Variants in ASXL1 observed in about 807,000 individuals in gnomAD.
ASXL1 encodes the protein polycomb group protein ASXL1.
A neutral mutation model predicts 89.1 loss-of-function variants in ASXL1; 65 were observed. The ratio of observed to expected loss-of-function variants is 0.73; its 90% confidence interval spans 0.60 to 0.90. ASXL1 has a LOEUF of 0.90. ASXL1 is among the 40% of genes least tolerant of loss of function. The pLI is 0.00. For synonymous variants in ASXL1, 739 were observed against 746.9 expected (o/e 0.99, Z 0.17); for missense variants, 1,786 against 1,942.9 (o/e 0.92, Z 1.52).
intron 4 of ASXL1, among the ~76,000 whole-genome samples, chr20:32,376,476 A>C (rs1446460663): frequency 2.0e-5 from 3 of 151,208 alleles, no homozygotes; most frequent in African/African-American, 7.3e-5. Context: ...GGGTTTTACC[A>C]TGTTGGCCAG....
intron 10 of ASXL1, 65 bp from the exon 11 acceptor site, chr20:32,432,815 G>A: frequency 6.3e-7 from 1 of 1,576,748 alleles, no homozygotes; most frequent in Non-Finnish European, 8.6e-7. Flanking sequence ...GGGAGATTCA[G>A]CTGTCCATAA....
chr20:32,397,013 A>C (rs1203980823), intron 4 of ASXL1, among the ~76,000 whole-genome samples: 1 of 150,046 alleles, frequency 6.7e-6, no homozygotes, highest in Non-Finnish European at 1.5e-5. Context: ...AACAAACAAA[A>C]AAAACTCACT....
At chr20:32,400,295 A>T (rs6057570) in intron 4 of ASXL1, among the ~76,000 whole-genome samples, 121,716 of 152,018 alleles carry the variant, frequency 0.8, 49,022 homozygotes, top group South Asian at 0.92. Flanking sequence ...TCAGACATAG[A>T]GAGTTTTACC....
rs1182540278 is a variant in ASXL1 at position 32,433,311 on chromosome 20, G to A, written c.1113G>A (p.Leu371=). 1.2e-6 allele frequency: 2 copies of A among 1,614,216 alleles called. No homozygotes were observed. Among genetic ancestry groups the A allele is most frequent in the Admixed American group, 1.7e-5 (1 of 60,024 alleles). ...QKLGLTKEES[L]QQNVGQEEAE... ...TGGGTTTGACCAAAGAAGAGTCATT[G>A]CAGCAGAACGTGGGCCAGGAGGAGG... The change falls in exon 12 of 13, where the codon TTG becomes TTA. Residue 371 remains leucine (L), a synonymous_variant. Coordinates refer to ENST00000375687, the MANE Select transcript of ASXL1 (RefSeq NM_015338.6).
At position 32,435,703 on chromosome 20, in the gene ASXL1, G is replaced by A. The variant is rs2145376262; in HGVS notation, c.2991G>A (p.Glu997=). 9 of 1,614,202 alleles carry A rather than the reference G, an allele frequency of 5.6e-6. No individual in the cohort carries two copies. The highest frequency in any genetic ancestry group is 7.6e-6 in the Non-Finnish European group (9 of 1,180,040). The change falls in exon 13 of 13, where the codon GAG becomes GAA. Residue 997 remains glutamate, a synonymous_variant. Transcript: ENST00000375687. The part of the protein sequence containing the change: ...GDSEALSPHG[E]STDTASDFEG... ...CTGAAGCACTGAGTCCTCACGGTGA[G>A]TCCACGGATACAGCCTCTGACTTTG...
At chr20:32,369,515 G>T (rs780704646) in intron 4 of ASXL1, among the ~76,000 whole-genome samples, 1 of 151,862 alleles carries the variant, frequency 6.6e-6, no homozygotes, top group Non-Finnish European at 1.5e-5. Context: ...GCCTCCCAAA[G>T]TGCTGGGATT....
At chr20:32,380,573 G>A (rs530011107) in intron 4 of ASXL1, among the ~76,000 whole-genome samples, 7 of 152,100 alleles carry the variant, frequency 4.6e-5, no homozygotes, top group Admixed American at 1.3e-4. Context: ...GCAACATAGC[G>A]AAACTTTTGT....
intron 4 of ASXL1, among the ~76,000 whole-genome samples, chr20:32,370,965 TAAAAAAAAAAA>T (rs776902032): frequency 2.3e-5 from 2 of 87,378 alleles, no homozygotes; most frequent in Non-Finnish European, 4.3e-5. Flanking sequence ...TTGTCTCTAT[TAAAAAAAAAAA>T]AAAAAAAAAA....
chr20:32,373,713 G>A (rs2048335906), intron 4 of ASXL1, among the ~76,000 whole-genome samples: 2 of 151,798 alleles, frequency 1.3e-5, no homozygotes, highest in South Asian at 2.1e-4. Flanking sequence ...CTGAAAATGC[G>A]AAAATTAGCT....
In ASXL1 at chr20:32,429,383, G is replaced by A. The variant is rs781321640; in HGVS notation, c.517G>A (p.Val173Ile). The A allele has an allele frequency of 1.9e-6, 3 of 1,614,054 alleles. No homozygotes were observed. Among genetic ancestry groups the A allele is most frequent in the African/African-American group, 1.3e-5 (1 of 74,924 alleles). ...KKTGVMLPRV[V>I]LTPLKVNGAH... is the part of the protein sequence containing the mutation. ...GACTGGGGTGATGCTGCCTCGAGTT[G>A]TCCTGACTCCTCTGAAGGTAAACGG... is the stretch of plus-strand genomic sequence containing the variant. Residue 173 changes from valine (V) to isoleucine (I), a missense_variant, in exon 7 of 13, where the codon GTC (valine) becomes ATC (isoleucine). By Grantham distance (29) the Val-to-Ile change is conservative. Transcript: ENST00000375687. The surrounding 1 kb of genome is among the most constrained non-coding windows in gnomAD (Gnocchi z 4.9).
intron 8 of ASXL1, chr20:32,430,411 A>G (rs868639182): frequency 7.3e-6 from 2 of 274,476 alleles, no homozygotes; most frequent in South Asian, 1.1e-4. Flanking sequence ...ATGTTGCCAC[A>G]TTTGTTCCCA....
At chr20:32,407,349 G>A (rs1166210455) in intron 4 of ASXL1, among the ~76,000 whole-genome samples, 2 of 151,242 alleles carry the variant, frequency 1.3e-5, no homozygotes, top group African/African-American at 4.9e-5. Context: ...GTCTCGGGGG[G>A]AAAAAAAAGA....
chr20:32,413,446 G>A (rs963002594), intron 4 of ASXL1, among the ~76,000 whole-genome samples: 14 of 152,060 alleles, frequency 9.2e-5, no homozygotes, highest in African/African-American at 3.4e-4. Flanking sequence ...ACAAAGATGG[G>A]AAATAAAAAA....
chr20:32,424,646 A>G (rs537516264), intron 4 of ASXL1, among the ~76,000 whole-genome samples: 9 of 152,234 alleles, frequency 5.9e-5, no homozygotes, highest in Admixed American at 5.2e-4. Flanking sequence ...TTTTTTAAAA[A>G]AGATGATAGA....
In ASXL1 at chr20:32,432,995, T is replaced by C. The variant is rs1292177214; in HGVS notation, c.1085+10T>C. 3.1e-6 allele frequency: 5 copies of C among 1,613,544 alleles called. No homozygotes were observed. In the South Asian group the frequency reaches 5.5e-5, roughly 18 times the overall value. On this transcript the variant is annotated intron_variant, in intron 11 of 12. Transcript: ENST00000375687. Reference sequence around the variant, plus strand: ...ACTACTATGGACAGAAGTAAGGCAGTTGGAGCTATGAGTCCTGGTCTGGGG... The same window carrying C: ...ACTACTATGGACAGAAGTAAGGCAGCTGGAGCTATGAGTCCTGGTCTGGGG...
At chr20:32,432,684 A>G in intron 10 of ASXL1, 196 bp from the exon 11 acceptor site, 1 of 610,646 alleles carries the variant, frequency 1.6e-6, no homozygotes, top group Non-Finnish European at 2.8e-6. Flanking sequence ...TTTTCGATCA[A>G]GGAGTTGCTT....
At position 32,431,579 on chromosome 20, in the gene ASXL1, C is replaced by G. The variant is rs2011514857; in HGVS notation, c.883-4C>G. The G allele has an allele frequency of 6.2e-7, 1 of 1,614,168 alleles. No homozygotes were observed. Among genetic ancestry groups the G allele is most frequent in the Non-Finnish European group, 8.5e-7 (1 of 1,180,030 alleles). On this transcript the variant is annotated splice_region_variant and splice_polypyrimidine_tract_variant and intron_variant, in intron 9 of 12. Coordinates refer to ENST00000375687, the MANE Select transcript of ASXL1 (RefSeq NM_015338.6). ...AGGATTTTTTTCCCCCTTGATCCTT[C>G]TAGGTGGGGACGGATGGCCTGTTGC...
At chr20:32,372,023 A>G in intron 4 of ASXL1, 1 of 1,030,946 alleles carries the variant, frequency 9.7e-7, no homozygotes, top group South Asian at 1.4e-5. Flanking sequence ...AAAAGGAAGG[A>G]TAATTACTTT....
At chr20:32,384,041 G>C (rs927550108) in intron 4 of ASXL1, among the ~76,000 whole-genome samples, 1 of 152,034 alleles carries the variant, frequency 6.6e-6, no homozygotes, top group Admixed American at 6.6e-5. Flanking sequence ...GTCAGCTGTG[G>C]ATATTTTTCT....
Sources: allele counts gnomAD v4.1 joint callset (sites outside exome capture counted in the v4.1 genomes callset), GRCh38; gene constraint gnomAD v4.1.1; non-coding constraint Gnocchi (gnomAD v3.1); transcripts MANE v1.5; gene names NCBI Gene and HGNC (gene_info 2026-07-23, HGNC 2026-07-21).